Variants in FCGR3B observed in about 807,000 individuals in gnomAD.
FCGR3B encodes Fc gamma receptor IIIb.
In FCGR3B, 20 loss-of-function variants were observed where a neutral mutation model predicts 26.7. The ratio of observed to expected loss-of-function variants is 0.75; its 90% CI spans 0.53 to 1.09. The LOEUF (loss-of-function observed/expected upper bound fraction) is 1.09. FCGR3B is among the 50% of genes least tolerant of loss of function. The pLI is 0.00. For missense variants in FCGR3B, 191 were observed against 279.7 expected, an observed-to-expected ratio of 0.68 and a Z score of 2.26; for synonymous variants, 79 against 107.0, an observed-to-expected ratio of 0.74 and a Z score of 1.62.
chr1:161,627,637 A>T (rs1016255655), intron 3 of FCGR3B, among the ~76,000 whole-genome samples: 1 of 150,388 alleles, frequency 6.6e-6, no homozygotes, highest in African/African-American at 2.5e-5. Flanking sequence ...CAGCAAAGAG[A>T]TGAATCATTA....
At chr1:161,626,074 C>T (rs962085959) in intron 4 of FCGR3B, 71 bp downstream of exon 4, 1 of 1,552,614 alleles carries the variant, frequency 6.4e-7, no homozygotes, top group Admixed American at 1.8e-5. Flanking sequence ...CCTCCCAACT[C>T]AACTTCCCAG....
At position 161,626,411 on chromosome 1, in the gene FCGR3B, C is replaced by T. The variant is rs774209738; in HGVS notation, c.320-9G>A. 8.1e-6 allele frequency: 13 copies of T among 1,608,762 alleles called. No individual in the cohort carries two copies. The highest frequency in any genetic ancestry group is 2.2e-5 in the South Asian group (2 of 90,550). On this transcript the variant is annotated splice_polypyrimidine_tract_variant and intron_variant, in intron 3 of 4. Transcript: ENST00000650385. ...CTGGAGCAACAGCCAGCCTGAAAGA[C>T]ACAGAGACACCCCAGGCCCGGGAGG...
In FCGR3B at chr1:161,628,719, G is replaced by A. The variant is rs1332848215; in HGVS notation, c.319+1059C>T. Among the ~76,000 whole-genome samples, 3 of 144,148 alleles carry A rather than the reference G, an allele frequency of 2.1e-5. 1 individual carries two copies. The highest frequency in any genetic ancestry group is 7.9e-5 in the African/African-American group (3 of 37,982). 94.6% of individuals were successfully genotyped at this position (144,148 alleles called of 152,430 possible). On this transcript the variant is annotated intron_variant, in intron 3 of 4. Coordinates refer to ENST00000650385, the MANE Select transcript of FCGR3B (RefSeq NM_001244753.2). Reference sequence around the variant, plus strand: ...CTCCTTATGCCCTTCTTCCCCCAAAGCTTGTTCCACCCATAAACATTGTAT... The same window carrying A: ...CTCCTTATGCCCTTCTTCCCCCAAAACTTGTTCCACCCATAAACATTGTAT...
rs1470356002 is a variant in FCGR3B, at chr1:161,623,794, T to A, written c.*721A>T. 6.9e-6 allele frequency: 1 copy of A among 144,880 alleles called. No homozygotes were observed. Among genetic ancestry groups the A allele is most frequent in the Non-Finnish European group, 1.5e-5 (1 of 66,456 alleles). 9.0% of individuals were successfully genotyped at this position (144,880 alleles called of 1,614,324 possible). A position where few individuals can be genotyped will look rare whatever the true frequency, so the allele number is the denominator to read the frequency against. ...TAGCATTAGAGGACTCATCGTTATA[T>A]ACTTGGAAATGGTCCAGTTCTGATA... On this transcript the variant is annotated 3_prime_UTR_variant, in exon 5 of 5. Transcript: ENST00000650385.
chr1:161,625,053 T>C (rs1234105348), intron 4 of FCGR3B, among the ~76,000 whole-genome samples: 2 of 145,162 alleles, frequency 1.4e-5, no homozygotes, highest in Admixed American at 1.4e-4. Context: ...ACCAGAATAG[T>C]ATAAAGAAAT....
intron 1 of FCGR3B, 133 bp downstream of exon 1, chr1:161,630,922 C>A (rs1489035860): frequency 6.9e-7 from 1 of 1,457,728 alleles, no homozygotes; most frequent in African/African-American, 1.5e-5. Context: ...GTCCTGGTAG[C>A]TCAATCCACA....
At chr1:161,624,884 A>G (rs1679386328) in intron 4 of FCGR3B, among the ~76,000 whole-genome samples, 1 of 146,106 alleles carries the variant, frequency 6.8e-6, no homozygotes, top group South Asian at 2.2e-4. Context: ...GAGATGTGAC[A>G]GGGAGCGTTA....
At chr1:161,630,308 A>G (rs1570987570) in intron 2 of FCGR3B, 60 bp downstream of exon 2, 2 of 1,542,332 alleles carry the variant, frequency 1.3e-6, no homozygotes, top group Non-Finnish European at 8.9e-7. Context: ...CCAATATCTT[A>G]TGGCCATTGT....
rs2102597151 is a variant in FCGR3B at position 161,631,111 on chromosome 1, G to A, written c.-17C>T. The A allele has an allele frequency of 2.5e-6, 4 of 1,607,664 alleles. No homozygotes were observed. The African/African-American group carries it at 4.1e-5, about 16-fold the overall frequency. On this transcript the variant is annotated 5_prime_UTR_variant, in exon 1 of 5. Coordinates refer to ENST00000650385, the MANE Select transcript of FCGR3B (RefSeq NM_001244753.2). ...CTGCCACATGATGCCACACTGGAGT[G>A]GACAAGTCACCAAAGATATCCGGAG...
At chr1:161,630,327 G>T (rs576396498) in intron 2 of FCGR3B, 41 bp downstream of exon 2, 3 of 1,574,076 alleles carry the variant, frequency 1.9e-6, no homozygotes, top group Admixed American at 1.7e-5. Flanking sequence ...GTCCCCATAT[G>T]TGCCCCACTG....
At chr1:161,629,469 A>G (rs1679630531) in intron 3 of FCGR3B, among the ~76,000 whole-genome samples, 1 of 53,288 alleles carries the variant, frequency 1.9e-5, no homozygotes, top group Non-Finnish European at 3.6e-5. Flanking sequence ...ATAAATAAAT[A>G]ACTATTATTG....
At position 161,625,830 on chromosome 1, in the gene FCGR3B, T is replaced by G. The variant is rs531263561; in HGVS notation, c.577+315A>C. On this transcript the variant is annotated intron_variant, in intron 4 of 4. Transcript: ENST00000650385. ...AGGAGGCCAGCACGATAGGAACATA[T>G]GACACCGTGGGTGTGATTAGGGTAA... Among the ~76,000 whole-genome samples the G allele has an allele frequency of 1.0e-4, 15 of 147,226 alleles. No individual in the cohort carries two copies. The South Asian group carries it at 3.3e-3, about 32-fold the overall frequency.
At chr1:161,630,188 C>T in intron 2 of FCGR3B, 153 bp from the exon 3 acceptor site, 3 of 905,234 alleles carry the variant, frequency 3.3e-6, no homozygotes, top group Non-Finnish European at 5.1e-6. Flanking sequence ...TTGGCCTGTT[C>T]AGTATCTTAA....
At chr1:161,629,358 G>A (rs1679625377) in intron 3 of FCGR3B, among the ~76,000 whole-genome samples, 1 of 23,988 alleles carries the variant, frequency 4.2e-5, no homozygotes, top group Non-Finnish European at 1.0e-4. Context: ...AACCCAAGGG[G>A]GCAGAAGTTG....
chr1:161,626,421 C>A lies in FCGR3B; in HGVS notation c.320-19G>T. On this transcript the variant is annotated intron_variant, in intron 3 of 4. Coordinates refer to ENST00000650385, the MANE Select transcript of FCGR3B (RefSeq NM_001244753.2). ...AGCCAGCCTGAAAGACACAGAGACA[C>A]CCCAGGCCCGGGAGGCCTCAGCTCT... is the stretch of plus-strand genomic sequence containing the variant. 1 of 1,607,976 alleles carries A rather than the reference C, an allele frequency of 6.2e-7. No homozygotes were observed. Among genetic ancestry groups the A allele is most frequent in the East Asian group, 2.2e-5 (1 of 44,740 alleles).
upstream of FCGR3B, chr1:161,631,292 T>C (rs181006240): frequency 7.0e-3 from 9,576 of 1,374,638 alleles, 263 homozygotes; most frequent in Non-Finnish European, 8.0e-3. Flanking sequence ...AGAACAGGAA[T>C]AGGAAGGAAA....
chr1:161,624,682 A>G (rs756009884), intron 4 of FCGR3B, 43 bp from the exon 5 acceptor site: 4 of 1,555,724 alleles, frequency 2.6e-6, no homozygotes, highest in Admixed American at 1.8e-5. Flanking sequence ...GACAGTCACT[A>G]AGGCAGATAT....
Position 161,629,709 on chromosome 1 carries a change from A to G in FCGR3B, c.319+69T>C. 6.9e-6 allele frequency: 7 copies of G among 1,011,048 alleles called. No individual in the cohort carries two copies. In the South Asian group the frequency reaches 1.1e-4, roughly 16 times the overall value. The allele number at this position is 1,011,048 out of a possible 1,614,324, so 62.6% of individuals were successfully genotyped here. A position where few individuals can be genotyped will look rare whatever the true frequency, so the allele number is the denominator to read the frequency against. ...TCTAAGAATATCATCTCTGGCTCTTACCAAGTATTTCAGGACCCTTTGTTT... is the reference window on the plus strand; with the variant it reads ...TCTAAGAATATCATCTCTGGCTCTTGCCAAGTATTTCAGGACCCTTTGTTT... On this transcript the variant is annotated intron_variant, in intron 3 of 4. Transcript: ENST00000650385.
intron 3 of FCGR3B, among the ~76,000 whole-genome samples, chr1:161,628,520 C>T (rs967347205): frequency 6.7e-6 from 1 of 149,036 alleles, no homozygotes; most frequent in Non-Finnish European, 1.5e-5. Context: ...CTTGGTAATT[C>T]CCCCATTTTA....
Sources: gnomAD v4.1 joint callset for allele counts (sites outside exome capture counted in the v4.1 genomes callset) on GRCh38, gnomAD v4.1.1 for gene constraint, MANE v1.5 for transcripts, NCBI Gene and HGNC (gene_info 2026-07-23, HGNC 2026-07-21) for gene names.